Variants in COX18 observed in about 807,000 individuals in gnomAD.
The protein encoded by COX18 is cytochrome c oxidase assembly protein COX18, mitochondrial.
In COX18, 45 loss-of-function variants were observed where a neutral mutation model predicts 38.0. The observed-to-expected ratio is 1.18, with a 90% confidence interval of 0.93 to 1.52. COX18 has a LOEUF of 1.52. Ranked by LOEUF, COX18 falls within the 40% of genes most tolerant of loss-of-function variation. The probability of loss-of-function intolerance (pLI) is 0.00; values close to 1 mark genes in which losing one functional copy is unlikely to be tolerated. For synonymous variants in COX18, 177 were observed against 169.8 expected (o/e 1.04, Z -0.33); for missense variants, 462 against 423.8 (o/e 1.09, Z -0.79).
At chr4:73,067,356 T>C (rs1232118350) in intron 2 of COX18, among the ~76,000 whole-genome samples, 1 of 152,230 alleles carries the variant, frequency 6.6e-6, no homozygotes, top group Admixed American at 6.5e-5. Context: ...TCCTTGATGA[T>C]CTAGCTCCTT....
At chr4:73,069,753 A>C, upstream of COX18, 1 of 1,115,506 alleles carries the variant, frequency 9.0e-7, no homozygotes, top group Non-Finnish European at 1.3e-6. Context: ...GCGGGCATAA[A>C]GCGCATGCGC....
intron 2 of COX18, among the ~76,000 whole-genome samples, chr4:73,065,942 T>C (rs1560475022): frequency 6.6e-6 from 1 of 152,180 alleles, no homozygotes; most frequent in Non-Finnish European, 1.5e-5. Flanking sequence ...GTTACTACTG[T>C]TTTTTCCTGA....
intron 4 of COX18, among the ~76,000 whole-genome samples, chr4:73,064,263 A>T (rs1577953507): frequency 2.1e-5 from 1 of 46,720 alleles, no homozygotes; most frequent in Admixed American, 2.8e-4. Context: ...CAAAAAAAAA[A>T]GAAAAAAAAA....
At chr4:73,067,422 C>T (rs1720502905) in intron 2 of COX18, among the ~76,000 whole-genome samples, 1 of 152,124 alleles carries the variant, frequency 6.6e-6, no homozygotes, top group African/African-American at 2.4e-5. Context: ...GATTACAGGT[C>T]TGTCTTTTTC....
intron 5 of COX18, among the ~76,000 whole-genome samples, chr4:73,061,139 T>C (rs899938352): frequency 4.6e-5 from 7 of 152,214 alleles, no homozygotes; most frequent in Non-Finnish European, 7.3e-5. Context: ...ACCTATTTCA[T>C]AGAGTTGTTA....
At chr4:73,060,548 G>C (rs1220620522) in intron 5 of COX18, among the ~76,000 whole-genome samples, 2 of 152,116 alleles carry the variant, frequency 1.3e-5, no homozygotes, top group Admixed American at 1.3e-4. Flanking sequence ...CTAAAAAATA[G>C]ATTTTGATAG....
rs766810450 is a variant in COX18 at position 73,069,675 on chromosome 4, C to A, written c.-26G>T. 2.0e-6 allele frequency: 3 copies of A among 1,536,704 alleles called. No homozygotes were observed. The highest frequency in any genetic ancestry group is 2.4e-5 in the East Asian group (1 of 41,288). On this transcript the variant is annotated 5_prime_UTR_variant, in exon 1 of 6. Transcript: ENST00000507544. The stretch of plus-strand genomic sequence containing the variant: ...TTCTGCACCACGGCGGAGCCCAGAT[C>A]CCGGGCCTCACAATCCAGCGGACAT...
chr4:73,069,572 C>A lies in COX18; in HGVS notation c.78G>T (p.Ala26=), dbSNP rs570492077. ...GCTTGGCGCCGCTCGTAGGAACCGG[C>A]GCAAGCGGCAGGTCCCTAGCCCAAA... The part of the protein sequence containing the change: ...LQLWARDLPL[A]PVPTSGAKRP... The change falls in exon 1 of 6, where the codon GCG becomes GCT. Residue 26 remains alanine (A), a synonymous_variant. Transcript: ENST00000507544. 6.4e-6 allele frequency: 10 copies of A among 1,564,428 alleles called. No homozygotes were observed. In the Admixed American group the frequency reaches 1.1e-4, roughly 18 times the overall value.
At position 73,069,484 on chromosome 4, in the gene COX18, C is replaced by T. The variant is rs1049582497; in HGVS notation, c.166G>A (p.Glu56Lys). The T allele has an allele frequency of 6.3e-7, 1 of 1,592,318 alleles. No individual in the cohort carries two copies. The highest frequency in any genetic ancestry group is 1.3e-5 in the African/African-American group (1 of 74,746). The change falls in exon 1 of 6, where the codon GAG becomes AAG. Residue 56 changes from glutamate to lysine, a missense_variant. Coordinates refer to ENST00000507544, the MANE Select transcript of COX18 (RefSeq NM_001297732.2). Reference protein sequence around the residue: ...VSAVHANGWYEALAASSPVRV... With the variant: ...VSAVHANGWYKALAASSPVRV... ...ACCGGCGAAGACGCGGCCAGGGCCT[C>T]GTACCAGCCGTTCGCATGTACTGCA... is the stretch of plus-strand genomic sequence containing the variant.
intron 1 of COX18, chr4:73,068,546 T>C (rs1416629721): frequency 1.9e-5 from 3 of 154,884 alleles, no homozygotes; most frequent in Admixed American, 6.3e-5. Context: ...AAAGTAAAAA[T>C]AGCATTTATT....
In COX18 at chr4:73,053,724, C is replaced by G. The variant is rs938795453; in HGVS notation, c.*4390G>C. On this transcript the variant is annotated 3_prime_UTR_variant, in exon 6 of 6. Transcript: ENST00000507544. ...TTTTCCCTCGAGGTTCTTAATGAGG[C>G]TTTGCACCTTCTCCTGGGTTATCTG... is the stretch of plus-strand genomic sequence containing the variant. 6.6e-6 allele frequency: 1 copy of G among 152,184 alleles called. No homozygotes were observed. Among genetic ancestry groups the G allele is most frequent in the African/African-American group, 2.4e-5 (1 of 41,438 alleles). 9.4% of individuals were successfully genotyped at this position (152,184 alleles called of 1,614,324 possible). A position where few individuals can be genotyped will look rare whatever the true frequency, so the allele number is the denominator to read the frequency against.
At chr4:73,065,546 A>G in intron 2 of COX18, 133 bp from the exon 3 acceptor site, 1 of 676,060 alleles carries the variant, frequency 1.5e-6, no homozygotes, top group Non-Finnish European at 2.4e-6. Flanking sequence ...CAGCTGTCAC[A>G]GGCATGTTAA....
At chr4:73,067,106 T>C (rs1720484184) in intron 2 of COX18, among the ~76,000 whole-genome samples, 1 of 152,198 alleles carries the variant, frequency 6.6e-6, no homozygotes, top group African/African-American at 2.4e-5. Context: ...CACCCTTAGA[T>C]TGGGACTTTC....
chr4:73,062,967 G>A (rs1190392351), intron 4 of COX18, among the ~76,000 whole-genome samples: 1 of 152,116 alleles, frequency 6.6e-6, no homozygotes, highest in Non-Finnish European at 1.5e-5. Context: ...AGCTCACAGG[G>A]TTATTCCAAG....
intron 4 of COX18, among the ~76,000 whole-genome samples, chr4:73,062,511 G>A (rs1485039712): frequency 1.3e-5 from 2 of 152,148 alleles, no homozygotes; most frequent in Non-Finnish European, 2.9e-5. Context: ...GATTTATATG[G>A]TAGCTACTGT....
At chr4:73,058,409 C>A (rs1201309388) in intron 5 of COX18, 122 bp from the exon 6 acceptor site, 2 of 667,566 alleles carry the variant, frequency 3.0e-6, no homozygotes, top group Non-Finnish European at 4.9e-6. Context: ...GCAAGACTTG[C>A]AGCAGCTACT....
At chr4:73,065,195 TTA>T in intron 3 of COX18, 53 bp downstream of exon 3, 1 of 1,241,496 alleles carries the variant, frequency 8.1e-7, no homozygotes, top group Non-Finnish European at 1.1e-6. Context: ...TTTTTTTTTT[TTA>T]GTACAAAGAC....
In COX18 at chr4:73,054,178, G is replaced by A. The variant is rs1392417173; in HGVS notation, c.*3936C>T. 6.6e-6 allele frequency: 1 copy of A among 152,254 alleles called. No individual in the cohort carries two copies. The highest frequency in any genetic ancestry group is 1.5e-5 in the Non-Finnish European group (1 of 68,102). 9.4% of individuals were successfully genotyped at this position (152,254 alleles called of 1,614,324 possible). ...CTGCAGGGCCCAGCGCAGAGCCTCA[G>A]CAACTGAGGGGATATAGGCAAGCCA... On this transcript the variant is annotated 3_prime_UTR_variant, in exon 6 of 6. Coordinates refer to ENST00000507544, the MANE Select transcript of COX18 (RefSeq NM_001297732.2).
Position 73,056,010 on chromosome 4 carries a change from T to TA in COX18, c.*2103dup, listed in dbSNP as rs1166996780. On this transcript the variant is annotated 3_prime_UTR_variant, in exon 6 of 6. Transcript: ENST00000507544. The stretch of plus-strand genomic sequence containing the variant: ...TCTGTATGCTGTACATTTTTTCTAT[T>TA]AAAAAATGTCATAACTTCATTAAGC... 6.6e-6 allele frequency: 1 copy of TA among 152,156 alleles called. No individual in the cohort carries two copies. Among genetic ancestry groups the TA allele is most frequent in the African/African-American group, 2.4e-5 (1 of 41,430 alleles). The allele number at this position is 152,156 out of a possible 1,614,324, so 9.4% of individuals were successfully genotyped here.
Sources: allele counts gnomAD v4.1 joint callset (sites outside exome capture counted in the v4.1 genomes callset), GRCh38; gene constraint gnomAD v4.1.1; transcripts MANE v1.5; gene names NCBI Gene and HGNC (gene_info 2026-07-23, HGNC 2026-07-21).